GPC5: variants seen among roughly 807,000 people sequenced by gnomAD.
GPC5 encodes glypican 5.
A neutral mutation model predicts 53.9 loss-of-function variants in GPC5; 47 were observed. The ratio of observed to expected loss-of-function variants is 0.87; its 90% CI spans 0.69 to 1.11. The LOEUF is 1.11. Among genes scored for constraint, GPC5 ranks in the 50% most tolerant of loss-of-function variants. GPC5 has a pLI of 0.00. For missense variants in GPC5, 748 were observed against 713.1 expected (o/e 1.05, Z -0.56); for synonymous variants, 286 against 263.3 (o/e 1.09, Z -0.84).
intron 3 of GPC5, among the ~76,000 whole-genome samples, chr13:91,720,975 G>A (rs1202389552): frequency 6.6e-6 from 1 of 152,082 alleles, no homozygotes; most frequent in African/African-American, 2.4e-5. Flanking sequence ...CTTAGCAAAG[G>A]CAACATCATC....
In GPC5 at chr13:92,242,814, C is replaced by T. The variant is rs79068158; in HGVS notation, c.1561+97825C>T. Among the ~76,000 whole-genome samples, 215 of 152,164 alleles carry T rather than the reference C, an allele frequency of 1.4e-3. 2 individuals are homozygous for T. The East Asian group carries it at 0.033, about 23-fold the overall frequency. On this transcript the variant is annotated intron_variant, in intron 7 of 7. Coordinates refer to ENST00000377067, the MANE Select transcript of GPC5 (RefSeq NM_004466.6). ...TACTAGGCATTTTATTAAAGAGTTACGGTCTTTATATGATGACCTGTTACT... is the reference window on the plus strand; with the variant it reads ...TACTAGGCATTTTATTAAAGAGTTATGGTCTTTATATGATGACCTGTTACT...
intron 1 of GPC5, among the ~76,000 whole-genome samples, chr13:91,447,211 A>C (rs1880869261): frequency 6.6e-6 from 1 of 152,316 alleles, no homozygotes; most frequent in South Asian, 2.1e-4. Flanking sequence ...TCCTACACTA[A>C]ATATGTTTAT....
intron 6 of GPC5, among the ~76,000 whole-genome samples, chr13:91,952,572 T>A (rs1276225006): frequency 6.6e-6 from 1 of 152,028 alleles, no homozygotes; most frequent in East Asian, 1.9e-4. Context: ...AAACCTTGAG[T>A]TACCAAAAAG....
chr13:91,401,048 C>T (rs572998752), intron 1 of GPC5, among the ~76,000 whole-genome samples: 1 of 152,234 alleles, frequency 6.6e-6, no homozygotes, highest in Admixed American at 6.5e-5. Flanking sequence ...ATCACGGGAG[C>T]ACTCACAGAA....
At chr13:92,590,793 C>G (rs1042608479) in intron 7 of GPC5, among the ~76,000 whole-genome samples, 6 of 152,170 alleles carry the variant, frequency 3.9e-5, no homozygotes, top group Non-Finnish European at 7.3e-5. Flanking sequence ...TTATTGAGCA[C>G]TTTCCATTTG....
intron 7 of GPC5, among the ~76,000 whole-genome samples, chr13:92,407,309 C>T (rs1875835203): frequency 6.6e-6 from 1 of 152,084 alleles, no homozygotes; most frequent in Non-Finnish European, 1.5e-5. Context: ...GGCTTCATTC[C>T]TTTCTTTAAA....
At chr13:92,238,212 A>G (rs1276045994) in intron 7 of GPC5, among the ~76,000 whole-genome samples, 2 of 151,910 alleles carry the variant, frequency 1.3e-5, no homozygotes, top group Non-Finnish European at 2.9e-5. Context: ...TGATAAGGTT[A>G]TGTTTAACCT....
chr13:92,706,712 C>CTAACT (rs1219903938), intron 7 of GPC5, among the ~76,000 whole-genome samples: 1 of 152,112 alleles, frequency 6.6e-6, no homozygotes, highest in African/African-American at 2.4e-5. Flanking sequence ...CGCTAACTAA[C>CTAACT]TAACTTATCA....
At chr13:91,832,788 C>G (rs2038677574) in intron 5 of GPC5, among the ~76,000 whole-genome samples, 1 of 151,982 alleles carries the variant, frequency 6.6e-6, no homozygotes, top group African/African-American at 2.4e-5. Context: ...CAAGAGAAAG[C>G]AGGAAAGATC....
chr13:92,834,594 T>C (rs1878161958), intron 7 of GPC5, among the ~76,000 whole-genome samples: 1 of 152,178 alleles, frequency 6.6e-6, no homozygotes. Context: ...GCTTCACAGG[T>C]TGACAAAGAG....
chr13:92,552,410 T>G (rs1040519312), intron 7 of GPC5, among the ~76,000 whole-genome samples: 3 of 151,868 alleles, frequency 2.0e-5, no homozygotes, highest in African/African-American at 4.8e-5. Context: ...CTTAGTAAAA[T>G]TTAAGAAGAG....
At chr13:92,160,806 T>C (rs938592545) in intron 7 of GPC5, among the ~76,000 whole-genome samples, 4 of 152,140 alleles carry the variant, frequency 2.6e-5, no homozygotes, top group African/African-American at 9.7e-5. Context: ...GGACTGACAA[T>C]AAGAAGACGC....
chr13:92,509,558 T>C (rs981777102), intron 7 of GPC5: 2 of 152,104 alleles, frequency 1.3e-5, no homozygotes, highest in African/African-American at 4.8e-5. Context: ...TACAAATGTG[T>C]TGGGAATGGA....
chr13:92,728,106 T>A (rs931543199), intron 7 of GPC5, among the ~76,000 whole-genome samples: 4 of 151,480 alleles, frequency 2.6e-5, no homozygotes, highest in East Asian at 1.9e-4. Context: ...GACAAAAAAA[T>A]TTCACCTTTT....
chr13:92,078,982 C>G (rs2041273993), intron 6 of GPC5, among the ~76,000 whole-genome samples: 1 of 152,164 alleles, frequency 6.6e-6, no homozygotes, highest in African/African-American at 2.4e-5. Context: ...AGTTCCCTGG[C>G]CTCACTCTTT....
intron 5 of GPC5, among the ~76,000 whole-genome samples, chr13:91,813,621 G>T (rs2038349732): frequency 6.6e-6 from 1 of 152,134 alleles, no homozygotes; most frequent in Non-Finnish European, 1.5e-5. Flanking sequence ...AGGAGTGGGG[G>T]TTAGGAATGA....
intron 6 of GPC5, among the ~76,000 whole-genome samples, chr13:92,086,074 C>A (rs964848410): frequency 2.6e-5 from 4 of 152,158 alleles, no homozygotes; most frequent in Non-Finnish European, 4.4e-5. Context: ...CTCAGGAATT[C>A]ACACTGTGTG....
At chr13:91,764,588 G>T (rs747723497) in intron 5 of GPC5, among the ~76,000 whole-genome samples, 10 of 152,132 alleles carry the variant, frequency 6.6e-5, no homozygotes, top group Non-Finnish European at 1.3e-4. Context: ...TAATGAAAAT[G>T]TCCAGTCCAA....
At chr13:92,213,281 C>T (rs192398529) in intron 7 of GPC5, among the ~76,000 whole-genome samples, 20 of 152,258 alleles carry the variant, frequency 1.3e-4, no homozygotes, top group Middle Eastern at 3.4e-3. Flanking sequence ...ACAAACTTTC[C>T]ATCCTCCCGG....
Sources: gnomAD v4.1 joint callset for allele counts (sites outside exome capture counted in the v4.1 genomes callset) on GRCh38, gnomAD v4.1.1 for gene constraint, MANE v1.5 for transcripts, NCBI Gene and HGNC (gene_info 2026-07-23, HGNC 2026-07-21) for gene names.